Variants in PAPSS1 observed in about 807,000 individuals in gnomAD.
PAPSS1 encodes bifunctional 3'-phosphoadenosine 5'-phosphosulfate synthase 1.
A neutral mutation model predicts 72.0 loss-of-function variants in PAPSS1; 50 were observed. The ratio of observed to expected loss-of-function variants is 0.69; its 90% CI spans 0.55 to 0.88. PAPSS1 has a LOEUF of 0.88. Ranked by LOEUF, PAPSS1 falls within the 40% of genes least tolerant of loss-of-function variation. The probability of loss-of-function intolerance (pLI) is 0.00; values close to 1 mark genes in which losing one functional copy is unlikely to be tolerated. For missense variants in PAPSS1, 657 were observed against 782.2 expected (o/e 0.84, Z 1.91); for synonymous variants, 261 against 263.6 (o/e 0.99, Z 0.09).
At chr4:107,696,524 T>C (rs1723067557) in intron 2 of PAPSS1, among the ~76,000 whole-genome samples, 1 of 151,608 alleles carries the variant, frequency 6.6e-6, no homozygotes, top group Admixed American at 6.6e-5. Flanking sequence ...GCTGAACACA[T>C]GGACATGGAG....
intron 11 of PAPSS1, among the ~76,000 whole-genome samples, chr4:107,617,446 A>G (rs1725853584): frequency 6.6e-6 from 1 of 152,180 alleles, no homozygotes. Context: ...TTACTCTGGA[A>G]TGCTATACAT....
At chr4:107,656,510 C>T (rs1727013983) in intron 7 of PAPSS1, among the ~76,000 whole-genome samples, 2 of 143,746 alleles carry the variant, frequency 1.4e-5, no homozygotes, top group Non-Finnish European at 3.1e-5. Flanking sequence ...TTAACTAAGA[C>T]TCCACAATTC....
intron 10 of PAPSS1, among the ~76,000 whole-genome samples, chr4:107,643,634 TG>T (rs1311880992): frequency 6.6e-6 from 1 of 152,096 alleles, no homozygotes; most frequent in African/African-American, 2.4e-5. Context: ...GGGCCTATGA[TG>T]TTAATGTGAG....
intron 2 of PAPSS1, among the ~76,000 whole-genome samples, chr4:107,699,624 G>C (rs1455654274): frequency 6.6e-6 from 1 of 151,994 alleles, no homozygotes; most frequent in Non-Finnish European, 1.5e-5. Context: ...AAAGACAAAA[G>C]CCTCTATTTC....
intron 1 of PAPSS1, among the ~76,000 whole-genome samples, chr4:107,710,111 G>A (rs947050972): frequency 6.6e-6 from 1 of 152,086 alleles, no homozygotes; most frequent in African/African-American, 2.4e-5. Flanking sequence ...ATTCTGCTGA[G>A]GAAACATGAC....
rs191352117 is a variant in PAPSS1, at chr4:107,706,935, G to T, written c.61-5650C>A. Among the ~76,000 whole-genome samples, 6 of 152,320 alleles carry T rather than the reference G, an allele frequency of 3.9e-5. No individual in the cohort carries two copies. In the East Asian group the frequency reaches 1.2e-3, roughly 29 times the overall value. On this transcript the variant is annotated intron_variant, in intron 1 of 11. Coordinates refer to ENST00000265174, the MANE Select transcript of PAPSS1 (RefSeq NM_005443.5). ...GTGGAAGCCTAGGTCTACAGTGGTTGGTCTGAAGCCTACCTAGAATCACAG... is the reference window on the plus strand; with the variant it reads ...GTGGAAGCCTAGGTCTACAGTGGTTTGTCTGAAGCCTACCTAGAATCACAG...
In PAPSS1 at chr4:107,659,967, T is replaced by G; in HGVS notation, c.775A>C (p.Ile259Leu). Residue 259 changes from isoleucine to leucine, a missense_variant, in exon 6 of 12, where the codon ATT (isoleucine) becomes CTT (leucine). By Grantham distance (5) the Ile-to-Leu change is conservative (BLOSUM62 2). This residue lies in a region of PAPSS1 where 190 missense variants were observed against 176.7 expected (regional missense o/e 1.07). Coordinates refer to ENST00000265174, the MANE Select transcript of PAPSS1 (RefSeq NM_005443.5). ...AGCAACGAAGAACTTACTTTATTAATTTTCAGTGCTGGTAATGTTTCCGCA... is the reference window on the plus strand; with the variant it reads ...AGCAACGAAGAACTTACTTTATTAAGTTTCAGTGCTGGTAATGTTTCCGCA... Reference protein sequence around the residue: ...TDAETLPALKINKVDMQWVQV... With the variant: ...TDAETLPALKLNKVDMQWVQV... The G allele has an allele frequency of 6.4e-7, 1 of 1,571,302 alleles. No individual in the cohort carries two copies. The highest frequency in any genetic ancestry group is 8.7e-7 in the Non-Finnish European group (1 of 1,143,182).
At chr4:107,620,267 T>A (rs1003120874) in intron 11 of PAPSS1, among the ~76,000 whole-genome samples, 4 of 152,180 alleles carry the variant, frequency 2.6e-5, no homozygotes, top group African/African-American at 9.6e-5. Flanking sequence ...GAGTCTAACT[T>A]GAAAGCGGGT....
intron 5 of PAPSS1, among the ~76,000 whole-genome samples, chr4:107,668,299 A>G (rs1260208918): frequency 1.3e-5 from 2 of 152,208 alleles, no homozygotes; most frequent in Non-Finnish European, 2.9e-5. Flanking sequence ...TGTAAATTAG[A>G]TGCAATAATG....
chr4:107,675,858 T>C (rs1393768610), intron 5 of PAPSS1, among the ~76,000 whole-genome samples: 1 of 152,188 alleles, frequency 6.6e-6, no homozygotes, highest in East Asian at 1.9e-4. Context: ...GCTTCATCCC[T>C]GGGATGCAAG....
chr4:107,633,705 G>T (rs1048910506), intron 10 of PAPSS1, among the ~76,000 whole-genome samples: 1 of 151,906 alleles, frequency 6.6e-6, no homozygotes, highest in Non-Finnish European at 1.5e-5. Context: ...AGATCACGAG[G>T]TCAGGAGATT....
chr4:107,624,784 C>G (rs1041801620), intron 11 of PAPSS1, among the ~76,000 whole-genome samples: 1 of 152,108 alleles, frequency 6.6e-6, no homozygotes, highest in Non-Finnish European at 1.5e-5. Flanking sequence ...GGTAAATTCA[C>G]GCAGTTATAG....
intron 1 of PAPSS1, among the ~76,000 whole-genome samples, chr4:107,710,686 G>A (rs1723466032): frequency 1.3e-5 from 2 of 152,112 alleles, no homozygotes; most frequent in South Asian, 4.1e-4. Flanking sequence ...CCCACACATA[G>A]CTACATGGCC....
chr4:107,698,123 A>G (rs1723115911), intron 2 of PAPSS1, among the ~76,000 whole-genome samples: 1 of 152,232 alleles, frequency 6.6e-6, no homozygotes, highest in African/African-American at 2.4e-5. Context: ...TGGGAAGTTA[A>G]TATACCAACC....
intron 5 of PAPSS1, among the ~76,000 whole-genome samples, chr4:107,667,161 A>G (rs1727341667): frequency 6.6e-6 from 1 of 152,194 alleles, no homozygotes; most frequent in Admixed American, 6.6e-5. Context: ...TGCGACGTAA[A>G]GCCTACATAA....
At chr4:107,658,716 T>A (rs1365016766) in intron 6 of PAPSS1, among the ~76,000 whole-genome samples, 2 of 152,142 alleles carry the variant, frequency 1.3e-5, no homozygotes, top group African/African-American at 4.8e-5. Context: ...TGAAGAAATT[T>A]TTTTTTTTCC....
At chr4:107,689,146 C>T (rs181637812) in intron 3 of PAPSS1, among the ~76,000 whole-genome samples, 10 of 152,326 alleles carry the variant, frequency 6.6e-5, no homozygotes, top group Non-Finnish European at 5.9e-5. Flanking sequence ...AAGCCATAAT[C>T]TACACTGTGG....
At chr4:107,653,652 A>G in intron 8 of PAPSS1, 26 bp from the exon 9 acceptor site, 1 of 1,602,302 alleles carries the variant, frequency 6.2e-7, no homozygotes, top group Non-Finnish European at 8.5e-7. Context: ...AATTTTTTTA[A>G]TGGAAACCGA....
Position 107,656,993 on chromosome 4 carries a change from C to A in PAPSS1, c.798G>T (p.Trp266Cys), listed in dbSNP as rs759872818. 5 of 1,612,916 alleles carry A rather than the reference C, an allele frequency of 3.1e-6. No homozygotes were observed. Among genetic ancestry groups the A allele is most frequent in the East Asian group, 2.2e-5 (1 of 44,860 alleles). The change falls in exon 7 of 12, where the codon TGG becomes TGT. Residue 266 changes from tryptophan to cysteine, a missense_variant. Trp to Cys is a radical substitution (Grantham distance 215). Around this residue, in one of 7 missense-constraint regions of PAPSS1, gnomAD observed 190 missense variants for 176.7 expected, o/e 1.07. Coordinates refer to ENST00000265174, the MANE Select transcript of PAPSS1 (RefSeq NM_005443.5). Reference protein sequence around the residue: ...ALKINKVDMQWVQVLAEGWAT... With the variant: ...ALKINKVDMQCVQVLAEGWAT... ...CCCAACCTTCTGCCAAAACCTGCAC[C>A]CACTGCATATCCACCTAGTAAATTT...
Sources: gnomAD v4.1 joint callset for allele counts (sites outside exome capture counted in the v4.1 genomes callset) on GRCh38, gnomAD v4.1.1 for gene constraint, gnomAD v4.1.1 regional missense constraint, MANE v1.5 for transcripts, NCBI Gene and HGNC (gene_info 2026-07-23, HGNC 2026-07-21) for gene names.